Variants in CUX2 observed in about 807,000 individuals in gnomAD.
CUX2 encodes cut like homeobox 2, also known as homeobox protein cut-like 2.
CUX2 carries 40 observed loss-of-function variants against 144.8 expected under a neutral mutation model. The observed-to-expected ratio is 0.28, with a 90% CI of 0.21 to 0.36. CUX2 has a LOEUF of 0.36. CUX2 is among the 10% of genes least tolerant of loss of function. The probability of loss-of-function intolerance (pLI) is 1.00; values close to 1 mark genes in which losing one functional copy is unlikely to be tolerated. For synonymous variants in CUX2, 827 were observed against 875.6 expected (o/e 0.94, Z 0.98); for missense variants, 1,615 against 1,994.0 (o/e 0.81, Z 3.62).
chr12:111,244,824 A>G (rs1883201763), intron 3 of CUX2, among the ~76,000 whole-genome samples: 1 of 152,188 alleles, frequency 6.6e-6, no homozygotes, highest in Non-Finnish European at 1.5e-5. Flanking sequence ...AGCCCATGTC[A>G]TTGGTCATTA....
At chr12:111,228,948 A>G (rs1882321208) in intron 3 of CUX2, among the ~76,000 whole-genome samples, 1 of 152,160 alleles carries the variant, frequency 6.6e-6, no homozygotes, top group African/African-American at 2.4e-5. Context: ...AAACCACCAT[A>G]GACAATCTTT....
At chr12:111,058,863 C>G (rs970041064) in intron 1 of CUX2, among the ~76,000 whole-genome samples, 1 of 152,170 alleles carries the variant, frequency 6.6e-6, no homozygotes, top group Non-Finnish European at 1.5e-5. Flanking sequence ...AGGAACACAT[C>G]CACCCTAGGT....
At chr12:111,092,658 C>T (rs1202511228) in intron 1 of CUX2, among the ~76,000 whole-genome samples, 3 of 152,022 alleles carry the variant, frequency 2.0e-5, no homozygotes, top group Non-Finnish European at 2.9e-5. Context: ...GTCCTGCCAG[C>T]GATTGGCTAG....
intron 3 of CUX2, among the ~76,000 whole-genome samples, chr12:111,256,132 G>C (rs748576399): frequency 6.6e-6 from 1 of 151,842 alleles, no homozygotes; most frequent in African/African-American, 2.4e-5. Flanking sequence ...GGTTCTCATC[G>C]CTCCTCTCCA....
intron 4 of CUX2, among the ~76,000 whole-genome samples, chr12:111,284,997 A>G (rs993080075): frequency 7.2e-5 from 11 of 152,224 alleles, no homozygotes; most frequent in African/African-American, 2.6e-4. Flanking sequence ...TCTAAGCCAC[A>G]GGGTTTCCTT....
At chr12:111,075,102 A>T (rs997943322) in intron 1 of CUX2, among the ~76,000 whole-genome samples, 1 of 83,072 alleles carries the variant, frequency 1.2e-5, no homozygotes, top group African/African-American at 4.6e-5. Context: ...ACCCCCCACC[A>T]CCCAGCCGCA....
chr12:111,102,136 A>G (rs1287510480), intron 1 of CUX2, among the ~76,000 whole-genome samples: 1 of 152,192 alleles, frequency 6.6e-6, no homozygotes, highest in Non-Finnish European at 1.5e-5. Context: ...TGTGCCAGGC[A>G]TCTGGCTGGG....
intron 4 of CUX2, among the ~76,000 whole-genome samples, chr12:111,271,005 AG>A (rs1884621157): frequency 6.6e-6 from 1 of 152,170 alleles, no homozygotes; most frequent in Non-Finnish European, 1.5e-5. Context: ...GGTGGACGTG[AG>A]GATTCGCTAC....
rs948563198 is a variant in CUX2, at chr12:111,293,664, A to C, written c.560+95A>C. 31 of 1,466,990 alleles carry C rather than the reference A, an allele frequency of 2.1e-5. No homozygotes were observed. The highest frequency in any genetic ancestry group is 4.6e-5 in the Admixed American group (2 of 43,146). The allele number at this position is 1,466,990 out of a possible 1,614,324, so 90.9% of individuals were successfully genotyped here. On this transcript the variant is annotated intron_variant, in intron 6 of 21. Transcript: ENST00000261726. This position sits in a 1 kb window ranked among gnomAD's most constrained non-coding sequence, Gnocchi z 4.5. ...TCGTGGACGGGGAAAGTCTCCTACC[A>C]GAATCCAGATGCAGGCTGGAGACCG...
In CUX2 at chr12:111,318,599, T is replaced by TA. The variant is rs1320526925; in HGVS notation, c.2003-1400dup. 4.0e-3 allele frequency among the ~76,000 whole-genome samples: 596 copies of TA among 147,368 alleles called. 2 individuals are homozygous for TA. The highest frequency in any genetic ancestry group is 6.4e-3 in the Non-Finnish European group (422 of 66,226). On this transcript the variant is annotated intron_variant, in intron 16 of 21. Transcript: ENST00000261726. ...CATAGCAAGACCACATCTCTTTTTT[T>TA]AAAAAAAAAAAAAGATTCATATCTG...
At chr12:111,170,077 C>T (rs542321257) in intron 1 of CUX2, among the ~76,000 whole-genome samples, 1 of 152,336 alleles carries the variant, frequency 6.6e-6, no homozygotes, top group South Asian at 2.1e-4. Flanking sequence ...CCAACAGTAA[C>T]AGCCCCTATG....
chr12:111,248,768 C>T (rs1883409556), intron 3 of CUX2, among the ~76,000 whole-genome samples: 1 of 152,194 alleles, frequency 6.6e-6, no homozygotes, highest in African/African-American at 2.4e-5. Flanking sequence ...TCCAGGTGGC[C>T]GCTGTCGATG....
chr12:111,332,125 T>C (rs895402018), intron 18 of CUX2, among the ~76,000 whole-genome samples: 2 of 143,250 alleles, frequency 1.4e-5, no homozygotes, highest in African/African-American at 5.2e-5. Flanking sequence ...AAAATCTGTC[T>C]ACCTTTTTTT....
intron 1 of CUX2, among the ~76,000 whole-genome samples, chr12:111,196,805 G>A (rs1880266951): frequency 6.6e-6 from 1 of 152,184 alleles, no homozygotes; most frequent in Non-Finnish European, 1.5e-5. Flanking sequence ...ATAACTACAG[G>A]AGGCTAGTGG....
At position 111,173,062 on chromosome 12, in the gene CUX2, T is replaced by A. The variant is rs114420785; in HGVS notation, c.64-41138T>A. Among the ~76,000 whole-genome samples, 676 of 152,254 alleles carry A rather than the reference T, an allele frequency of 4.4e-3. 4 individuals are homozygous for A. The highest frequency in any genetic ancestry group is 0.016 in the African/African-American group (656 of 41,536). Reference sequence around the variant, plus strand: ...GATGGGCAGACTTCTTGCCTGCAAATTTTTGGTCTCTAGGTTTTTATCTGG... The same window carrying A: ...GATGGGCAGACTTCTTGCCTGCAAAATTTTGGTCTCTAGGTTTTTATCTGG... On this transcript the variant is annotated intron_variant, in intron 1 of 21. Transcript: ENST00000261726.
intron 3 of CUX2, among the ~76,000 whole-genome samples, chr12:111,231,888 A>G (rs952327907): frequency 8.6e-5 from 13 of 151,828 alleles, no homozygotes; most frequent in Non-Finnish European, 4.4e-5. Context: ...CAGGTAGATC[A>G]TGAAGTCAAG....
At chr12:111,108,779 C>T (rs553514799) in intron 1 of CUX2, among the ~76,000 whole-genome samples, 23 of 151,286 alleles carry the variant, frequency 1.5e-4, no homozygotes, top group Non-Finnish European at 2.7e-4. Flanking sequence ...TTTTTTGCAA[C>T]TTTTTTTCTT....
At chr12:111,053,343 C>T (rs1010078758) in intron 1 of CUX2, among the ~76,000 whole-genome samples, 2 of 152,142 alleles carry the variant, frequency 1.3e-5, no homozygotes, top group Admixed American at 6.5e-5. Context: ...TCAAGGGGGC[C>T]CTTTCCCAGT....
chr12:111,297,674 C>A (rs1367435663), intron 8 of CUX2, among the ~76,000 whole-genome samples: 1 of 152,212 alleles, frequency 6.6e-6, no homozygotes, highest in Admixed American at 6.5e-5. Context: ...ACTTATTGAG[C>A]ACCTGCTGTT....
Sources: gnomAD v4.1 joint callset for allele counts (sites outside exome capture counted in the v4.1 genomes callset) on GRCh38, gnomAD v4.1.1 for gene constraint, Gnocchi (gnomAD v3.1) non-coding constraint, MANE v1.5 for transcripts, NCBI Gene and HGNC (gene_info 2026-07-23, HGNC 2026-07-21) for gene names.